COL4A4: variants seen among roughly 807,000 people sequenced by gnomAD.
The protein encoded by COL4A4 is collagen alpha-4(IV) chain.
A neutral mutation model predicts 192.9 loss-of-function variants in COL4A4; 105 were observed. The observed-to-expected ratio is 0.54, with a 90% CI of 0.46 to 0.64. COL4A4 has a LOEUF of 0.64. COL4A4 is among the 30% of genes least tolerant of loss of function. COL4A4 has a pLI of 0.00. For missense variants in COL4A4, 1,967 were observed against 2,169.3 expected (o/e 0.91, Z 1.85); for synonymous variants, 762 against 769.9 (o/e 0.99, Z 0.17).
At chr2:227,002,287 T>TTCAAG (rs1170227512), downstream of COL4A4, among the ~76,000 whole-genome samples, 1 of 152,188 alleles carries the variant, frequency 6.6e-6, no homozygotes, top group East Asian at 1.9e-4. Flanking sequence ...AACTCCTGAC[T>TTCAAG]TCAAGTCACA....
chr2:227,098,551 G>T, intron 19 of COL4A4, 143 bp downstream of exon 19: 1 of 661,260 alleles, frequency 1.5e-6, no homozygotes, highest in Admixed American at 2.5e-5. Flanking sequence ...AACATTCTTG[G>T]TCTGGGGTGT....
At chr2:227,047,368 A>C (rs1398325079) in intron 35 of COL4A4, 107 bp downstream of exon 35, 20 of 811,054 alleles carry the variant, frequency 2.5e-5, no homozygotes, top group Non-Finnish European at 3.2e-5. Flanking sequence ...TTAATGCACA[A>C]AGGGGTAAGA....
At chr2:226,969,317 A>G in the COL4A4 span, among the ~76,000 whole-genome samples, 1 of 151,566 alleles carries the variant, frequency 6.6e-6, no homozygotes, top group Non-Finnish European at 1.5e-5. Flanking sequence ...AGAATGAAAA[A>G]CATCCCTGTA....
At chr2:227,037,241 T>C (rs200724477) in intron 37 of COL4A4, among the ~76,000 whole-genome samples, 2 of 152,114 alleles carry the variant, frequency 1.3e-5, no homozygotes, top group East Asian at 3.9e-4. Context: ...CCCTAGCCTC[T>C]CACCCACTGA....
chr2:226,984,176 C>T, the COL4A4 span, among the ~76,000 whole-genome samples: 10 of 152,268 alleles, frequency 6.6e-5, no homozygotes, highest in Admixed American at 1.3e-4. Flanking sequence ...ACAGCCAGCA[C>T]CTGCTGAACT....
rs550045563 is a variant in COL4A4 at position 227,145,433 on chromosome 2, T to G, written c.72-875A>C. ...CTGCGCTCCAGCCTGGGTAACAGAG[T>G]GAGGTTCTGTCTCAAAACAACAAAA... On this transcript the variant is annotated intron_variant, in intron 2 of 47. Coordinates refer to ENST00000396625, the MANE Select transcript of COL4A4 (RefSeq NM_000092.5). Among the ~76,000 whole-genome samples, 6 of 152,196 alleles carry G rather than the reference T, an allele frequency of 3.9e-5. No individual in the cohort carries two copies. The South Asian group carries it at 1.2e-3, about 32-fold the overall frequency.
chr2:226,995,551 T>G, the COL4A4 span: 1 of 1,466,104 alleles, frequency 6.8e-7, no homozygotes, highest in Non-Finnish European at 9.5e-7. Flanking sequence ...CATGGCCTAT[T>G]CGTGTAATTA....
At chr2:227,011,621 G>A (rs750928258) in intron 45 of COL4A4, among the ~76,000 whole-genome samples, 21 of 152,172 alleles carry the variant, frequency 1.4e-4, no homozygotes, top group Non-Finnish European at 2.5e-4. Flanking sequence ...GAGCTACATG[G>A]TGCATTGTTT....
At chr2:226,983,535 A>T in the COL4A4 span, among the ~76,000 whole-genome samples, 3 of 152,118 alleles carry the variant, frequency 2.0e-5, no homozygotes, top group Non-Finnish European at 4.4e-5. Flanking sequence ...GGGTGACCTA[A>T]ACTTGACCAC....
chr2:227,000,944 G>A (rs56033528), downstream of COL4A4, among the ~76,000 whole-genome samples: 12,194 of 152,052 alleles, frequency 0.08, 520 homozygotes, highest in East Asian at 0.18. Flanking sequence ...TTTCACCTTC[G>A]CCATGATTGT....
At chr2:227,032,872 C>T (rs1238901615) in intron 38 of COL4A4, among the ~76,000 whole-genome samples, 2 of 152,176 alleles carry the variant, frequency 1.3e-5, no homozygotes, top group African/African-American at 4.8e-5. Context: ...TGATCATAAG[C>T]GGTTTTTCTG....
At chr2:227,066,365 A>G (rs1257991028) in intron 25 of COL4A4, among the ~76,000 whole-genome samples, 1 of 151,782 alleles carries the variant, frequency 6.6e-6, no homozygotes, top group East Asian at 1.9e-4. Context: ...AATACAGAGA[A>G]CGCCACAAAG....
rs376431321 is a variant in COL4A4, at chr2:227,084,849, G to A, written c.1624-2662C>T. The stretch of plus-strand genomic sequence containing the variant: ...CCAGCAGCAACAAAAACTCCTCTCC[G>A]GGCTGGGCACGGTGGCTCATGCCTG... On this transcript the variant is annotated intron_variant, in intron 22 of 47. Coordinates refer to ENST00000396625, the MANE Select transcript of COL4A4 (RefSeq NM_000092.5). Among the ~76,000 whole-genome samples the A allele has an allele frequency of 1.7e-4, 26 of 152,092 alleles. No homozygotes were observed. In the East Asian group the frequency reaches 4.1e-3, roughly 24 times the overall value.
intron 37 of COL4A4, among the ~76,000 whole-genome samples, chr2:227,041,551 G>A (rs534298124): frequency 6.6e-6 from 1 of 151,272 alleles, no homozygotes; most frequent in South Asian, 2.1e-4. Context: ...TGAGGCAGGA[G>A]AATTGCTTGA....
chr2:227,156,145 T>A (rs1269491338), intron 1 of COL4A4, among the ~76,000 whole-genome samples: 1 of 151,674 alleles, frequency 6.6e-6, no homozygotes, highest in Non-Finnish European at 1.5e-5. Flanking sequence ...ACACCTGCAA[T>A]CCCAGCACTT....
At position 227,101,444 on chromosome 2, in the gene COL4A4, T is replaced by A; in HGVS notation, c.1029+60A>T. 3.2e-6 allele frequency: 4 copies of A among 1,266,824 alleles called. No individual in the cohort carries two copies. The South Asian group carries it at 5.6e-5, about 18-fold the overall frequency. 78.5% of individuals were successfully genotyped at this position (1,266,824 alleles called of 1,614,324 possible). A position where few individuals can be genotyped will look rare whatever the true frequency, so the allele number is the denominator to read the frequency against. On this transcript the variant is annotated intron_variant, in intron 17 of 47. Transcript: ENST00000396625. The stretch of plus-strand genomic sequence containing the variant: ...CCTGGCAATACTTCTAAAAATAAAT[T>A]AGATAATATTAAGGATATAAACTTT...
chr2:227,035,813 G>A (rs766654314), intron 37 of COL4A4, among the ~76,000 whole-genome samples: 8 of 152,086 alleles, frequency 5.3e-5, no homozygotes, highest in Admixed American at 1.3e-4. Flanking sequence ...TTGGGGACTT[G>A]GCTGGGGTGG....
intron 25 of COL4A4, among the ~76,000 whole-genome samples, chr2:227,073,975 T>C (rs1434820848): frequency 1.3e-5 from 2 of 152,120 alleles, no homozygotes; most frequent in East Asian, 3.9e-4. Flanking sequence ...AAAACTCATA[T>C]AGATATTGGC....
intron 22 of COL4A4, among the ~76,000 whole-genome samples, chr2:227,087,116 G>A (rs1298819908): frequency 6.6e-6 from 1 of 152,290 alleles, no homozygotes; most frequent in Non-Finnish European, 1.5e-5. Flanking sequence ...AGTCTCCAGG[G>A]GAGTACCCCA....
Sources: gnomAD v4.1 joint callset for allele counts (sites outside exome capture counted in the v4.1 genomes callset) on GRCh38, gnomAD v4.1.1 for gene constraint, MANE v1.5 for transcripts, NCBI Gene and HGNC (gene_info 2026-07-23, HGNC 2026-07-21) for gene names.